The following ZNF704 variants were observed in gnomAD, a reference collection of about 807,000 sequenced individuals.
ZNF704 encodes glucocorticoid induced gene 1.
Under a neutral mutation model 44.7 loss-of-function variants are expected in ZNF704, and 10 were observed. The observed-to-expected ratio is 0.22, with a 90% CI of 0.14 to 0.38. ZNF704 has a LOEUF of 0.38. Ranked by LOEUF, ZNF704 falls within the 10% of genes least tolerant of loss-of-function variation. ZNF704 has a pLI of 1.00. For synonymous variants in ZNF704, 211 were observed against 207.6 expected, an observed-to-expected ratio of 1.02 and a Z score of -0.14; for missense variants, 390 against 545.5, an observed-to-expected ratio of 0.71 and a Z score of 2.84.
chr8:80,792,492 G>A (rs897842411), intron 2 of ZNF704, among the ~76,000 whole-genome samples: 1 of 152,116 alleles, frequency 6.6e-6, no homozygotes, highest in African/African-American at 2.4e-5. Flanking sequence ...CTTGAGTGTG[G>A]GCTGGCCTAG....
chr8:80,687,402 T>C lies in ZNF704; in HGVS notation c.382A>G (p.Ser128Gly), dbSNP rs767253080. Residue 128 changes from serine (S) to glycine (G), a missense_variant, in exon 4 of 9, where the codon AGC becomes GGC. By Grantham distance (56) the Ser-to-Gly change is moderately conservative. This residue lies in a region of ZNF704 where 305 missense variants were observed against 435.7 expected (regional missense o/e 0.70). Coordinates refer to ENST00000327835, the MANE Select transcript of ZNF704 (RefSeq NM_001033723.3). ...GGCVPSSTSS[S>G]GYWSWSAPSD... Reference sequence around the variant, plus strand: ...GGGGCGCTCCAGCTCCAGTAGCCGCTGCTGCTGGTGCTGGAAGGCACGCAG... The same window carrying C: ...GGGGCGCTCCAGCTCCAGTAGCCGCCGCTGCTGGTGCTGGAAGGCACGCAG... 1.9e-6 allele frequency: 3 copies of C among 1,603,224 alleles called. No individual in the cohort carries two copies. Among genetic ancestry groups the C allele is most frequent in the Non-Finnish European group, 2.5e-6 (3 of 1,177,380 alleles).
intron 2 of ZNF704, among the ~76,000 whole-genome samples, chr8:80,762,372 G>T (rs949271341): frequency 1.3e-5 from 2 of 152,172 alleles, no homozygotes; most frequent in Non-Finnish European, 2.9e-5. Context: ...GGAGGCCTCA[G>T]CAAACTTACA....
At chr8:80,855,636 G>A (rs1808947438) in intron 1 of ZNF704, among the ~76,000 whole-genome samples, 1 of 152,176 alleles carries the variant, frequency 6.6e-6, no homozygotes, top group African/African-American at 2.4e-5. Flanking sequence ...GGGGTAAGAG[G>A]TGGATGATGA....
At chr8:80,796,277 G>A (rs905950556) in intron 2 of ZNF704, among the ~76,000 whole-genome samples, 2 of 152,166 alleles carry the variant, frequency 1.3e-5, no homozygotes. Context: ...GTGTTGAGGG[G>A]CCTGAGTGTG....
At chr8:80,664,697 A>G in intron 6 of ZNF704, 118 bp downstream of exon 6, 1 of 1,251,958 alleles carries the variant, frequency 8.0e-7, no homozygotes. Flanking sequence ...AATCAAAGCT[A>G]CCGGGCTGCC....
intron 2 of ZNF704, among the ~76,000 whole-genome samples, chr8:80,781,375 T>C (rs1554581209): frequency 6.6e-6 from 1 of 152,210 alleles, no homozygotes. Flanking sequence ...TGACAATACA[T>C]AAACAAATAA....
At chr8:80,841,398 CT>C (rs926230679) in intron 1 of ZNF704, among the ~76,000 whole-genome samples, 9 of 151,638 alleles carry the variant, frequency 5.9e-5, no homozygotes, top group East Asian at 1.9e-4. Context: ...TTCTGCATTT[CT>C]TTTTTTTTCC....
At chr8:80,781,258 C>T (rs1029997502) in intron 2 of ZNF704, among the ~76,000 whole-genome samples, 1 of 152,092 alleles carries the variant, frequency 6.6e-6, no homozygotes, top group Non-Finnish European at 1.5e-5. Context: ...CAAGAGTGGG[C>T]AAACATTTTC....
chr8:80,830,669 C>CGGAA (rs375077969), intron 1 of ZNF704, among the ~76,000 whole-genome samples: 61 of 145,300 alleles, frequency 4.2e-4, no homozygotes, highest in South Asian at 6.5e-4. Context: ...GAAGGATGGA[C>CGGAA]GGAAGGAAGG....
intron 2 of ZNF704, among the ~76,000 whole-genome samples, chr8:80,754,386 G>T (rs1807000765): frequency 6.6e-6 from 1 of 152,074 alleles, no homozygotes; most frequent in Non-Finnish European, 1.5e-5. Context: ...CTGCAGCTTT[G>T]CAGCCATTTT....
At chr8:80,832,596 T>C (rs1413312574) in intron 1 of ZNF704, among the ~76,000 whole-genome samples, 2 of 152,188 alleles carry the variant, frequency 1.3e-5, no homozygotes, top group African/African-American at 4.8e-5. Flanking sequence ...CTCCGGAGAT[T>C]AACAACATTT....
chr8:80,689,624 A>G (rs993145672), intron 3 of ZNF704, among the ~76,000 whole-genome samples: 1 of 152,246 alleles, frequency 6.6e-6, no homozygotes, highest in Non-Finnish European at 1.5e-5. Context: ...TGTAGTATGC[A>G]TTTGTAAAAT....
chr8:80,767,209 C>T (rs1220639659), intron 2 of ZNF704, among the ~76,000 whole-genome samples: 3 of 151,686 alleles, frequency 2.0e-5, no homozygotes, highest in African/African-American at 7.3e-5. Flanking sequence ...CTAAAGATGC[C>T]TCACAAATCT....
chr8:80,875,204 G>T (rs967008177), upstream of ZNF704, among the ~76,000 whole-genome samples: 1 of 152,158 alleles, frequency 6.6e-6, no homozygotes, highest in African/African-American at 2.4e-5. Flanking sequence ...ATTTTCTGAC[G>T]ATTTTTAGGT....
At chr8:80,865,953 T>C (rs1438209322) in intron 1 of ZNF704, among the ~76,000 whole-genome samples, 1 of 152,220 alleles carries the variant, frequency 6.6e-6, no homozygotes, top group African/African-American at 2.4e-5. Flanking sequence ...TTTCCAAAAC[T>C]GTATCTTCCA....
In ZNF704 at chr8:80,640,841, C is replaced by T. The variant is rs1817730522; in HGVS notation, c.*525G>A. The T allele has an allele frequency of 6.6e-6, 1 of 152,572 alleles. No individual in the cohort carries two copies. The allele number at this position is 152,572 out of a possible 1,614,324, so 9.5% of individuals were successfully genotyped here. On this transcript the variant is annotated 3_prime_UTR_variant, in exon 9 of 9. Transcript: ENST00000327835. ...AAAGATGCCCAGAGTGCTGCGCTGT[C>T]TTGCAACACATCCTGACATATACTG...
intron 2 of ZNF704, among the ~76,000 whole-genome samples, chr8:80,789,659 T>C (rs1438218476): frequency 6.6e-6 from 1 of 152,108 alleles, no homozygotes; most frequent in Non-Finnish European, 1.5e-5. Flanking sequence ...GGAGGATCTC[T>C]TGAGCACAGG....
chr8:80,883,074 CAAAAAA>C, the ZNF704 span, among the ~76,000 whole-genome samples: 2 of 43,190 alleles, frequency 4.6e-5, no homozygotes, highest in Non-Finnish European at 9.3e-5. Context: ...CCTGTCTCTA[CAAAAAA>C]AAAAAAAAAA....
intron 2 of ZNF704, among the ~76,000 whole-genome samples, chr8:80,765,209 A>T (rs1239384961): frequency 6.6e-6 from 1 of 152,162 alleles, no homozygotes; most frequent in African/African-American, 2.4e-5. Context: ...CAACAGGAGA[A>T]AAGTCTGCCC....
Sources: allele counts gnomAD v4.1 joint callset (sites outside exome capture counted in the v4.1 genomes callset), GRCh38; gene constraint gnomAD v4.1.1; regional missense constraint gnomAD v4.1.1; transcripts MANE v1.5; gene names NCBI Gene and HGNC (gene_info 2026-07-23, HGNC 2026-07-21).